NAV3: variants seen among roughly 807,000 people sequenced by gnomAD.
The protein encoded by NAV3 is pore membrane and/or filament interacting like protein 1.
A neutral mutation model predicts 244.7 loss-of-function variants in NAV3; 87 were observed. That is an observed-to-expected ratio of 0.36 (90% CI 0.30 to 0.42). The LOEUF is 0.42. NAV3 is among the 20% of genes least tolerant of loss of function. The probability of loss-of-function intolerance (pLI) is 1.00; values close to 1 mark genes in which losing one functional copy is unlikely to be tolerated. For missense variants in NAV3, 2,663 were observed against 2,893.3 expected, an observed-to-expected ratio of 0.92 and a Z score of 1.83; for synonymous variants, 1,126 against 1,042.2, an observed-to-expected ratio of 1.08 and a Z score of -1.55.
intron 1 of NAV3, among the ~76,000 whole-genome samples, chr12:77,859,525 G>A (rs1460638294): frequency 4.6e-5 from 7 of 151,588 alleles, no homozygotes; most frequent in Non-Finnish European, 1.0e-4. Context: ...ATGAAAAGAC[G>A]AGTTAGTGGG....
rs572837551 is a variant in NAV3 at position 77,941,730 on chromosome 12, A to G, written c.414+597A>G. Among the ~76,000 whole-genome samples the G allele has an allele frequency of 2.9e-3, 444 of 152,300 alleles. 1 individual carries two copies. The highest frequency in any genetic ancestry group is 0.01 in the African/African-American group (428 of 41,556). ...AAACTTCAAGTTTTATAATAAAGTC[A>G]AAGAGTAATAAACTATAGAGATAAA... On this transcript the variant is annotated intron_variant, in intron 3 of 39. Coordinates refer to ENST00000397909, the MANE Select transcript of NAV3 (RefSeq NM_001024383.2).
intron 23 of NAV3, 83 bp from the exon 24 acceptor site, chr12:78,168,672 A>C: frequency 1.2e-6 from 1 of 869,456 alleles, no homozygotes; most frequent in Non-Finnish European, 1.8e-6. Context: ...ACATAAAATC[A>C]AACCTTTTTA....
At chr12:78,175,189 C>T (rs1958167229) in intron 24 of NAV3, 117 bp from the exon 25 acceptor site, 11 of 1,064,070 alleles carry the variant, frequency 1.0e-5, no homozygotes, top group Non-Finnish European at 1.5e-5. Context: ...TTGAAATTAT[C>T]TGTACAAAGC....
intron 2 of NAV3, among the ~76,000 whole-genome samples, chr12:77,584,759 C>G (rs1244186466): frequency 6.6e-6 from 1 of 152,102 alleles, no homozygotes; most frequent in Non-Finnish European, 1.5e-5. Context: ...TGGATACAGA[C>G]AGTATGTGCT....
chr12:78,010,261 T>A (rs978394874), intron 8 of NAV3, among the ~76,000 whole-genome samples: 1 of 152,204 alleles, frequency 6.6e-6, no homozygotes, highest in East Asian at 1.9e-4. Flanking sequence ...TGTAACCTTT[T>A]ATGTTCTTTC....
intron 8 of NAV3, among the ~76,000 whole-genome samples, chr12:78,008,586 A>G (rs184035548): frequency 1.8e-3 from 272 of 152,320 alleles, no homozygotes; most frequent in Admixed American, 5.6e-3. Context: ...TCAAAACTAT[A>G]TAGTTTAAAA....
chr12:77,604,050 G>A (rs139403881), intron 2 of NAV3, among the ~76,000 whole-genome samples: 1 of 152,192 alleles, frequency 6.6e-6, no homozygotes, highest in East Asian at 1.9e-4. Flanking sequence ...TGTATCAACT[G>A]AGAATAATGT....
chr12:77,780,290 G>A (rs1219640029), intron 2 of NAV3, among the ~76,000 whole-genome samples: 3 of 152,046 alleles, frequency 2.0e-5, no homozygotes, highest in East Asian at 1.9e-4. Context: ...GCCCTCACAG[G>A]TTAGGCAAGA....
At chr12:77,614,074 CTTTTTTTTT>C (rs71440485) in intron 2 of NAV3, among the ~76,000 whole-genome samples, 60 of 95,674 alleles carry the variant, frequency 6.3e-4, no homozygotes, top group Middle Eastern at 6.9e-3. Flanking sequence ...TTCTTTCTCT[CTTTTTTTTT>C]TTTTTTTTTT....
Position 77,870,098 on chromosome 12 carries a change from G to T in NAV3, c.243+38394G>T, listed in dbSNP as rs185783707. The stretch of plus-strand genomic sequence containing the variant: ...AAGTTTCTAATAAGCCGGGCGCGGT[G>T]GCTCACTCCTGTAATCCCAGCACTT... On this transcript the variant is annotated intron_variant, in intron 1 of 39. Transcript: ENST00000397909. Among the ~76,000 whole-genome samples the T allele has an allele frequency of 5.3e-5, 8 of 152,224 alleles. No homozygotes were observed. The East Asian group carries it at 1.5e-3, about 29-fold the overall frequency.
At chr12:78,159,620 G>A (rs1957443402) in intron 23 of NAV3, among the ~76,000 whole-genome samples, 1 of 151,870 alleles carries the variant, frequency 6.6e-6, no homozygotes, top group Non-Finnish European at 1.5e-5. Flanking sequence ...AGTGAGCCAA[G>A]ATCACACCAC....
At position 77,670,045 on chromosome 12, in the gene NAV3, A is replaced by G. The variant is rs191525220; in HGVS notation, c.72+97779A>G. 2.0e-3 allele frequency among the ~76,000 whole-genome samples: 305 copies of G among 152,248 alleles called. 2 individuals are homozygous for G. The highest frequency in any genetic ancestry group is 7.0e-3 in the African/African-American group (292 of 41,564). ...TTCAAAAGGTAAATAAAATTGATAG[A>G]CCATTCTTGAGGTTAAACAGGAAGA... is the stretch of plus-strand genomic sequence containing the variant. On this transcript the variant is annotated intron_variant, in intron 2 of 8. Coordinates refer to the NAV3 transcript ENST00000550042.
intron 5 of NAV3, among the ~76,000 whole-genome samples, chr12:77,980,202 G>A (rs574173120): frequency 5.2e-4 from 79 of 152,234 alleles, no homozygotes; most frequent in South Asian, 8.3e-4. Flanking sequence ...TAAGACAACC[G>A]TAAGTTTCTC....
chr12:77,671,934 A>G (rs1292737412), intron 2 of NAV3, among the ~76,000 whole-genome samples: 1 of 152,224 alleles, frequency 6.6e-6, no homozygotes, highest in Non-Finnish European at 1.5e-5. Context: ...AAGCTTCTGC[A>G]CAGCAAAATA....
chr12:77,714,900 A>G (rs577187460), intron 2 of NAV3, among the ~76,000 whole-genome samples: 8 of 152,230 alleles, frequency 5.3e-5, no homozygotes, highest in South Asian at 4.1e-4. Context: ...AAAAATACAT[A>G]ACATAATTTT....
intron 2 of NAV3, among the ~76,000 whole-genome samples, chr12:77,788,017 C>T (rs975673470): frequency 2.6e-5 from 4 of 152,102 alleles, no homozygotes; most frequent in African/African-American, 9.7e-5. Flanking sequence ...GGTAAAAAAT[C>T]CAGTCTCTGG....
chr12:78,204,318 C>T (rs888910573), intron 38 of NAV3, among the ~76,000 whole-genome samples: 1 of 152,118 alleles, frequency 6.6e-6, no homozygotes, highest in East Asian at 1.9e-4. Flanking sequence ...AACAATCCTG[C>T]ACGTTGTGCA....
rs140219777 is a variant in NAV3, at chr12:77,852,662, A to T, written c.243+20958A>T. Among the ~76,000 whole-genome samples, 1,025 of 152,328 alleles carry T rather than the reference A, an allele frequency of 6.7e-3. 12 individuals carry two copies. Among genetic ancestry groups the T allele is most frequent in the African/African-American group, 0.024 (980 of 41,566 alleles). ...GTAAAATATTTTAAAATTGTTATTG[A>T]TGTATAATAGACACATACCAATAAA... On this transcript the variant is annotated intron_variant, in intron 1 of 39. Coordinates refer to ENST00000397909, the MANE Select transcript of NAV3 (RefSeq NM_001024383.2).
At chr12:77,809,517 C>T (rs1381978119) in intron 2 of NAV3, among the ~76,000 whole-genome samples, 6 of 152,200 alleles carry the variant, frequency 3.9e-5, no homozygotes, top group Non-Finnish European at 8.8e-5. Flanking sequence ...TGCGTCCAGT[C>T]CCAATGAGAT....
Sources: allele counts gnomAD v4.1 joint callset (sites outside exome capture counted in the v4.1 genomes callset), GRCh38; gene constraint gnomAD v4.1.1; transcripts MANE v1.5; gene names NCBI Gene and HGNC (gene_info 2026-07-23, HGNC 2026-07-21).